PTH2R: variants seen among roughly 807,000 people sequenced by gnomAD.
PTH2R encodes the protein parathyroid hormone 2 receptor.
PTH2R carries 59 observed loss-of-function variants against 60.3 expected under a neutral mutation model. The ratio of observed to expected loss-of-function variants is 0.98; its 90% CI spans 0.79 to 1.22. The LOEUF is 1.22. PTH2R is among the 50% of genes most tolerant of loss of function. PTH2R has a pLI of 0.00. For synonymous variants in PTH2R, 256 were observed against 243.8 expected (o/e 1.05, Z -0.47); for missense variants, 749 against 682.6 (o/e 1.10, Z -1.08).
Position 208,493,264 on chromosome 2 carries a change from G to T in PTH2R, c.1258G>T (p.Val420Phe), listed in dbSNP as rs1254671974. The T allele has an allele frequency of 1.1e-5, 16 of 1,500,460 alleles. No individual in the cohort carries two copies. Among genetic ancestry groups the T allele is most frequent in the Non-Finnish European group, 1.3e-5 (15 of 1,122,720 alleles). The allele number at this position is 1,500,460 out of a possible 1,614,324, so 92.9% of individuals were successfully genotyped here. The part of the protein sequence containing the change: ...SIIYCYCNGE[V>F]QAEVKKMWSR... Reference sequence around the variant, plus strand: ...GCACAGCATGTTTCTCGTGGCTTAGGTTCAGGCAGAGGTGAAGAAGATGTG... The same window carrying T: ...GCACAGCATGTTTCTCGTGGCTTAGTTTCAGGCAGAGGTGAAGAAGATGTG... Residue 420 changes from valine to phenylalanine, a missense_variant and splice_region_variant, in exon 13 of 13, where the codon GTT (valine) becomes TTT (phenylalanine). Transcript: ENST00000272847.
chr2:208,441,787 T>A (rs900865742), intron 4 of PTH2R, among the ~76,000 whole-genome samples: 1 of 152,230 alleles, frequency 6.6e-6, no homozygotes, highest in Non-Finnish European at 1.5e-5. Context: ...GACATAGAAC[T>A]ATAAATATGC....
chr2:208,367,114 AT>A (rs1700607631), intron 1 of PTH2R, among the ~76,000 whole-genome samples: 1 of 146,426 alleles, frequency 6.8e-6, no homozygotes, highest in African/African-American at 2.6e-5. Flanking sequence ...TTTTTTTGAG[AT>A]TGAGTTTCAC....
At chr2:208,380,504 G>A (rs985233901) in intron 1 of PTH2R, among the ~76,000 whole-genome samples, 1 of 152,062 alleles carries the variant, frequency 6.6e-6, no homozygotes, top group Non-Finnish European at 1.5e-5. Flanking sequence ...ATCATACAAT[G>A]TCTTGCCTAC....
In PTH2R at chr2:208,493,308, C is replaced by G. The variant is rs376073838; in HGVS notation, c.1302C>G (p.Ser434=). The G allele has an allele frequency of 1.1e-5, 17 of 1,534,318 alleles. No individual in the cohort carries two copies. The highest frequency in any genetic ancestry group is 6.1e-5 in the Admixed American group (3 of 49,476). ...AGATGTGGAGTCGGTGGAACCTCTC[C>G]GTGGACTGGAAAAGGACACCGCCAT... The part of the protein sequence containing the change: ...VKKMWSRWNL[S]VDWKRTPPCG... Residue 434 remains serine (S), a synonymous_variant, in exon 13 of 13, where the codon TCC becomes TCG. Transcript: ENST00000272847.
intron 1 of PTH2R, among the ~76,000 whole-genome samples, chr2:208,417,872 C>T (rs1378765909): frequency 1.3e-5 from 2 of 152,098 alleles, no homozygotes; most frequent in Admixed American, 6.5e-5. Context: ...GTAGATCAGT[C>T]TTGCTTATCA....
intron 1 of PTH2R, among the ~76,000 whole-genome samples, chr2:208,398,440 G>A (rs2105821169): frequency 6.6e-6 from 1 of 152,342 alleles, no homozygotes; most frequent in Admixed American, 6.5e-5. Context: ...AGCAGCTACT[G>A]TCAATGTTCC....
At chr2:208,421,977 G>A (rs1463018728) in intron 1 of PTH2R, among the ~76,000 whole-genome samples, 1 of 152,150 alleles carries the variant, frequency 6.6e-6, no homozygotes, top group Non-Finnish European at 1.5e-5. Context: ...TTTATTGTGA[G>A]GAAGTGATTT....
intron 1 of PTH2R, among the ~76,000 whole-genome samples, chr2:208,383,536 C>G (rs1257312638): frequency 6.6e-6 from 1 of 152,198 alleles, no homozygotes; most frequent in Non-Finnish European, 1.5e-5. Context: ...ATGGAACATT[C>G]AATCACAACT....
chr2:208,407,123 G>T lies in PTH2R; in HGVS notation c.75+5G>T. Reference sequence around the variant, plus strand: ...TGCCTCCTGGCCAGAGCCCAGGTAAGAGCCAGTGCTCCGCGACACCTGTTT... The same window carrying T: ...TGCCTCCTGGCCAGAGCCCAGGTAATAGCCAGTGCTCCGCGACACCTGTTT... On this transcript the variant is annotated splice_donor_5th_base_variant and intron_variant, in intron 1 of 12. Coordinates refer to ENST00000272847, the MANE Select transcript of PTH2R (RefSeq NM_005048.4). 1 of 1,402,394 alleles carries T rather than the reference G, an allele frequency of 7.1e-7. No individual in the cohort carries two copies. Among genetic ancestry groups the T allele is most frequent in the Admixed American group, 3.0e-5 (1 of 33,784 alleles). The allele number at this position is 1,402,394 out of a possible 1,614,324, so 86.9% of individuals were successfully genotyped here.
chr2:208,377,487 G>T (rs1462382532), intron 1 of PTH2R, among the ~76,000 whole-genome samples: 2 of 150,788 alleles, frequency 1.3e-5, no homozygotes, highest in Non-Finnish European at 1.5e-5. Flanking sequence ...TGGGGCGGCG[G>T]CTGGGTGGAG....
At chr2:208,442,114 T>C (rs1179670119) in intron 4 of PTH2R, among the ~76,000 whole-genome samples, 1 of 152,188 alleles carries the variant, frequency 6.6e-6, no homozygotes, top group Non-Finnish European at 1.5e-5. Flanking sequence ...TGGTGACAGA[T>C]ATTGGAACAG....
intron 9 of PTH2R, among the ~76,000 whole-genome samples, chr2:208,475,245 A>T (rs1440843175): frequency 2.6e-5 from 4 of 152,228 alleles, no homozygotes; most frequent in Admixed American, 6.5e-5. Flanking sequence ...TTGTCATAAA[A>T]TGTAAATGTA....
Position 208,409,812 on chromosome 2 carries a change from AC to A in PTH2R, c.75+2695del, listed in dbSNP as rs1383021317. Among the ~76,000 whole-genome samples the A allele has an allele frequency of 3.9e-5, 6 of 152,334 alleles. No homozygotes were observed. The East Asian group carries it at 1.2e-3, about 29-fold the overall frequency. On this transcript the variant is annotated intron_variant, in intron 1 of 12. Coordinates refer to ENST00000272847, the MANE Select transcript of PTH2R (RefSeq NM_005048.4). ...ATGCATTTTCTATAGTCAGATTATC[AC>A]ATGGTAATGAGGACCACTATATAAA...
chr2:208,370,429 C>T (rs148770489), intron 1 of PTH2R, among the ~76,000 whole-genome samples: 6,844 of 96,398 alleles, frequency 0.071, 394 homozygotes, highest in African/African-American at 0.18. Flanking sequence ...GGCGACAGAA[C>T]GAGACTCCGT....
intron 1 of PTH2R, among the ~76,000 whole-genome samples, chr2:208,409,048 G>A (rs573518537): frequency 1.3e-5 from 2 of 152,174 alleles, no homozygotes; most frequent in African/African-American, 4.8e-5. Flanking sequence ...GTCTCTAGAT[G>A]TTGCTGTACA....
intron 1 of PTH2R, among the ~76,000 whole-genome samples, chr2:208,374,105 C>CTT (rs199917630): frequency 7.0e-6 from 1 of 143,436 alleles, no homozygotes; most frequent in Non-Finnish European, 1.5e-5. Flanking sequence ...TCTTTTTTGC[C>CTT]TTTTTTTTTT....
chr2:208,407,195 G>A, intron 1 of PTH2R, 77 bp downstream of exon 1: 1 of 1,272,788 alleles, frequency 7.9e-7, no homozygotes, highest in Non-Finnish European at 1.0e-6. Flanking sequence ...ACGGAGGCCA[G>A]GTGCGCGCGA....
chr2:208,422,203 T>C (rs1441319707), intron 1 of PTH2R, among the ~76,000 whole-genome samples: 5 of 152,160 alleles, frequency 3.3e-5, no homozygotes, highest in Admixed American at 1.3e-4. Context: ...TTTTATTCAA[T>C]TGAAACCTTC....
intron 1 of PTH2R, among the ~76,000 whole-genome samples, chr2:208,390,685 T>C (rs1001742528): frequency 6.6e-6 from 1 of 152,174 alleles, no homozygotes; most frequent in African/African-American, 2.4e-5. Flanking sequence ...ATTCTCTGTC[T>C]GATTTTCCAC....
Sources: allele counts gnomAD v4.1 joint callset (sites outside exome capture counted in the v4.1 genomes callset), GRCh38; gene constraint gnomAD v4.1.1; transcripts MANE v1.5; gene names NCBI Gene and HGNC (gene_info 2026-07-23, HGNC 2026-07-21).